DLG2: variants seen among roughly 807,000 people sequenced by gnomAD.
The protein encoded by DLG2 is disks large homolog 2.
DLG2 carries 45 observed loss-of-function variants against 132.5 expected under a neutral mutation model. The ratio of observed to expected loss-of-function variants is 0.34; its 90% CI spans 0.27 to 0.44. The LOEUF is 0.44. DLG2 is among the 20% of genes least tolerant of loss of function. The probability of loss-of-function intolerance (pLI) is 1.00; values close to 1 mark genes in which losing one functional copy is unlikely to be tolerated. For synonymous variants in DLG2, 424 were observed against 419.6 expected, an observed-to-expected ratio of 1.01 and a Z score of -0.13; for missense variants, 1,045 against 1,196.9, an observed-to-expected ratio of 0.87 and a Z score of 1.87.
chr11:84,515,134 G>A (rs1262366975), intron 7 of DLG2, among the ~76,000 whole-genome samples: 22 of 151,680 alleles, frequency 1.5e-4, no homozygotes, highest in Admixed American at 1.4e-3. Context: ...GAGAGAGGAA[G>A]AAAGGAACCA....
At chr11:84,242,840 C>A (rs2097250487) in intron 8 of DLG2, among the ~76,000 whole-genome samples, 2 of 152,032 alleles carry the variant, frequency 1.3e-5, no homozygotes, top group African/African-American at 2.4e-5. Flanking sequence ...TTTTAAGAGC[C>A]ATGAGAACAG....
chr11:85,098,158 C>T (rs1342423943), intron 6 of DLG2, among the ~76,000 whole-genome samples: 1 of 152,190 alleles, frequency 6.6e-6, no homozygotes, highest in African/African-American at 2.4e-5. Flanking sequence ...GAGGCTAAGA[C>T]ATTTCCTAAA....
chr11:84,454,732 TA>T (rs1015948106), intron 7 of DLG2, among the ~76,000 whole-genome samples: 2 of 151,260 alleles, frequency 1.3e-5, no homozygotes, highest in African/African-American at 4.8e-5. Flanking sequence ...ATAAGCCAAA[TA>T]AAAAAGCACA....
chr11:84,427,351 T>A (rs945774162), intron 7 of DLG2, among the ~76,000 whole-genome samples: 1 of 152,140 alleles, frequency 6.6e-6, no homozygotes, highest in African/African-American at 2.4e-5. Context: ...CATGAAAAGG[T>A]GGTTATCACC....
chr11:85,170,112 A>G (rs1230830246), intron 4 of DLG2, among the ~76,000 whole-genome samples: 1 of 152,236 alleles, frequency 6.6e-6, no homozygotes, highest in Non-Finnish European at 1.5e-5. Context: ...AAGGAAATGA[A>G]GATCCAAAGA....
chr11:85,402,972 C>T (rs2088311656), intron 3 of DLG2, among the ~76,000 whole-genome samples: 1 of 152,128 alleles, frequency 6.6e-6, no homozygotes, highest in African/African-American at 2.4e-5. Flanking sequence ...TACCATCTGA[C>T]CCAGCAATCC....
intron 3 of DLG2, among the ~76,000 whole-genome samples, chr11:85,520,041 A>AT (rs112483358): frequency 0.13 from 19,669 of 147,204 alleles, 1,506 homozygotes; most frequent in East Asian, 0.31. Flanking sequence ...CACCTGGCTA[A>AT]TTTTTTTTTT....
chr11:85,137,445 T>C (rs1213578443), intron 5 of DLG2, among the ~76,000 whole-genome samples: 1 of 152,166 alleles, frequency 6.6e-6, no homozygotes, highest in Non-Finnish European at 1.5e-5. Context: ...GTCTATGTTA[T>C]TTCCGTCTCA....
At chr11:83,546,211 C>G (rs1592896183) in intron 19 of DLG2, among the ~76,000 whole-genome samples, 1 of 152,090 alleles carries the variant, frequency 6.6e-6, no homozygotes, top group African/African-American at 2.4e-5. Flanking sequence ...GGTACCCTAA[C>G]AAAATAGTGC....
chr11:84,141,949 T>C (rs1393872512), intron 9 of DLG2, among the ~76,000 whole-genome samples: 1 of 152,116 alleles, frequency 6.6e-6, no homozygotes, highest in East Asian at 1.9e-4. Context: ...ACTTTTTTGT[T>C]GGTTATTTTT....
intron 7 of DLG2, among the ~76,000 whole-genome samples, chr11:84,333,307 A>T (rs939927925): frequency 1.3e-5 from 2 of 152,224 alleles, no homozygotes; most frequent in Non-Finnish European, 2.9e-5. Flanking sequence ...TAACAAGTAA[A>T]AATACAACTG....
chr11:85,322,597 C>A (rs1263657148), intron 3 of DLG2, among the ~76,000 whole-genome samples: 6 of 152,144 alleles, frequency 3.9e-5, no homozygotes, highest in Non-Finnish European at 7.4e-5. Flanking sequence ...CCTTAAACCT[C>A]TCTTATTACT....
In DLG2 at chr11:83,650,141, G is replaced by A. The variant is rs571218535; in HGVS notation, c.1826-16816C>T. 2.0e-5 allele frequency among the ~76,000 whole-genome samples: 3 copies of A among 152,332 alleles called. No homozygotes were observed. The South Asian group carries it at 6.2e-4, about 32-fold the overall frequency. On this transcript the variant is annotated intron_variant, in intron 18 of 27. Transcript: ENST00000376104. The stretch of plus-strand genomic sequence containing the variant: ...GTTTTGACTGTAATGCCCGTGTGCA[G>A]TAGGCTGAATGATGGCCCCCAAGTA...
At chr11:84,310,624 C>T (rs1470204180) in intron 7 of DLG2, among the ~76,000 whole-genome samples, 2 of 152,180 alleles carry the variant, frequency 1.3e-5, no homozygotes, top group Non-Finnish European at 2.9e-5. Flanking sequence ...AATTTTAATT[C>T]CTTCTGTGTT....
chr11:84,134,105 G>C (rs562350165), intron 9 of DLG2, among the ~76,000 whole-genome samples: 1 of 152,122 alleles, frequency 6.6e-6, no homozygotes, highest in Non-Finnish European at 1.5e-5. Context: ...AGCTACAAAA[G>C]ATACTACCCT....
At chr11:83,666,928 A>G (rs2075719372) in intron 18 of DLG2, among the ~76,000 whole-genome samples, 2 of 152,252 alleles carry the variant, frequency 1.3e-5, no homozygotes, top group South Asian at 2.1e-4. Flanking sequence ...CTTAAACAAC[A>G]CCATACTCTC....
intron 6 of DLG2, among the ~76,000 whole-genome samples, chr11:84,827,676 CAAA>C (rs398016953): frequency 2.3e-4 from 8 of 35,100 alleles, no homozygotes; most frequent in Admixed American, 1.2e-3. Context: ...TACATACAGT[CAAA>C]AAAAAAAAAA....
intron 6 of DLG2, among the ~76,000 whole-genome samples, chr11:84,664,162 G>A (rs1042945244): frequency 6.6e-5 from 10 of 152,046 alleles, no homozygotes; most frequent in Non-Finnish European, 1.3e-4. Flanking sequence ...TTGCTCTATG[G>A]ATAAACTAAT....
chr11:84,216,110 T>C (rs2096832215), intron 8 of DLG2, among the ~76,000 whole-genome samples: 1 of 152,160 alleles, frequency 6.6e-6, no homozygotes, highest in African/African-American at 2.4e-5. Context: ...CCCATGGCTG[T>C]GTTCCTAATA....
Sources: allele counts gnomAD v4.1 joint callset (sites outside exome capture counted in the v4.1 genomes callset), GRCh38; gene constraint gnomAD v4.1.1; transcripts MANE v1.5; gene names NCBI Gene and HGNC (gene_info 2026-07-23, HGNC 2026-07-21).